The following PPM1L variants were observed in gnomAD, a reference collection of about 807,000 sequenced individuals.
The protein encoded by PPM1L is protein phosphatase 1L.
In PPM1L, 13 loss-of-function variants were observed where a neutral mutation model predicts 31.4. The observed-to-expected ratio is 0.41, with a 90% confidence interval of 0.27 to 0.66. The LOEUF (loss-of-function observed/expected upper bound fraction) is 0.66. Ranked by LOEUF, PPM1L falls within the 30% of genes least tolerant of loss-of-function variation. The probability of loss-of-function intolerance (pLI) is 0.29; values close to 1 mark genes in which losing one functional copy is unlikely to be tolerated. For missense variants in PPM1L, 326 were observed against 453.7 expected (o/e 0.72, Z 2.56); for synonymous variants, 184 against 175.4 (o/e 1.05, Z -0.39).
intron 1 of PPM1L, among the ~76,000 whole-genome samples, chr3:160,842,467 G>A (rs1450495421): frequency 6.6e-6 from 1 of 152,154 alleles, no homozygotes; most frequent in Non-Finnish European, 1.5e-5. Flanking sequence ...TCTTAGCCAG[G>A]AATAAGAAGA....
chr3:161,064,810 T>A (rs974092673), intron 2 of PPM1L, among the ~76,000 whole-genome samples: 5 of 152,086 alleles, frequency 3.3e-5, no homozygotes, highest in African/African-American at 4.8e-5. Context: ...ACACCAGAGC[T>A]TTCTCTGCTT....
At chr3:160,945,709 C>T (rs759575724) in intron 1 of PPM1L, among the ~76,000 whole-genome samples, 28 of 152,066 alleles carry the variant, frequency 1.8e-4, no homozygotes, top group Non-Finnish European at 3.5e-4. Flanking sequence ...CACAGGTCCA[C>T]GTACACACAG....
intron 1 of PPM1L, among the ~76,000 whole-genome samples, chr3:160,874,372 C>A (rs567269804): frequency 3.3e-5 from 5 of 152,282 alleles, no homozygotes; most frequent in African/African-American, 1.2e-4. Flanking sequence ...CTCCCTTCAG[C>A]CTCCCTTGAT....
At chr3:160,781,492 A>G (rs1057331615) in intron 1 of PPM1L, among the ~76,000 whole-genome samples, 3 of 152,184 alleles carry the variant, frequency 2.0e-5, no homozygotes, top group African/African-American at 4.8e-5. Context: ...ATTAAAAGAA[A>G]AGGAAAATGG....
chr3:161,065,066 G>A (rs747805998), intron 2 of PPM1L, among the ~76,000 whole-genome samples: 5 of 151,960 alleles, frequency 3.3e-5, no homozygotes, highest in Non-Finnish European at 7.4e-5. Context: ...GAAGCCAAAA[G>A]TGTGTATCAG....
chr3:160,844,320 C>T (rs748818749), intron 1 of PPM1L, among the ~76,000 whole-genome samples: 1 of 152,136 alleles, frequency 6.6e-6, no homozygotes, highest in East Asian at 1.9e-4. Context: ...CGCTGAGATA[C>T]AGAAGAGAAG....
At chr3:160,916,108 C>T (rs1354099546) in intron 1 of PPM1L, among the ~76,000 whole-genome samples, 1 of 152,144 alleles carries the variant, frequency 6.6e-6, no homozygotes, top group African/African-American at 2.4e-5. Context: ...AAACTACCAT[C>T]GGAGTGAACA....
At chr3:160,820,814 C>A (rs1293541123) in intron 1 of PPM1L, among the ~76,000 whole-genome samples, 1 of 151,956 alleles carries the variant, frequency 6.6e-6, no homozygotes, top group Non-Finnish European at 1.5e-5. Context: ...AATGTTTTGG[C>A]AATATGTTGT....
At chr3:160,765,111 T>G (rs562615917) in intron 1 of PPM1L, among the ~76,000 whole-genome samples, 2 of 152,328 alleles carry the variant, frequency 1.3e-5, no homozygotes. Context: ...TTATCTAATT[T>G]TAATTCTGAT....
intron 1 of PPM1L, among the ~76,000 whole-genome samples, chr3:160,861,284 T>G (rs894632950): frequency 3.3e-5 from 5 of 152,174 alleles, no homozygotes; most frequent in African/African-American, 1.2e-4. Context: ...CAGAATATAG[T>G]GTAATGTCCT....
At chr3:160,839,790 T>C (rs1037133917) in intron 1 of PPM1L, among the ~76,000 whole-genome samples, 1 of 152,230 alleles carries the variant, frequency 6.6e-6, no homozygotes, top group South Asian at 2.1e-4. Flanking sequence ...CACTCAGTTT[T>C]GAACTTGGGC....
intron 1 of PPM1L, among the ~76,000 whole-genome samples, chr3:160,961,495 C>A (rs1249076262): frequency 2.0e-5 from 3 of 152,064 alleles, no homozygotes; most frequent in Admixed American, 1.3e-4. Context: ...AATATCTAAC[C>A]AAGTCTATCA....
chr3:160,780,177 C>T (rs767408846), intron 1 of PPM1L, among the ~76,000 whole-genome samples: 18 of 152,098 alleles, frequency 1.2e-4, no homozygotes, highest in Non-Finnish European at 2.5e-4. Context: ...CACATGCCAC[C>T]ATGCCTGGCT....
chr3:160,791,451 T>C (rs1366461377), intron 1 of PPM1L, among the ~76,000 whole-genome samples: 1 of 152,178 alleles, frequency 6.6e-6, no homozygotes, highest in Non-Finnish European at 1.5e-5. Context: ...TATTTCTCTT[T>C]CTCTTAATAG....
intron 1 of PPM1L, among the ~76,000 whole-genome samples, chr3:160,941,584 C>T (rs1715164416): frequency 6.6e-6 from 1 of 152,068 alleles, no homozygotes; most frequent in Non-Finnish European, 1.5e-5. Flanking sequence ...CTTGCCACTG[C>T]CATGTAAGAA....
intron 2 of PPM1L, among the ~76,000 whole-genome samples, chr3:161,044,002 A>G (rs1051160346): frequency 1.3e-5 from 2 of 152,200 alleles, no homozygotes; most frequent in Non-Finnish European, 2.9e-5. Context: ...TGTATGCTGT[A>G]CCAGAAAGAT....
At chr3:160,992,338 T>C (rs1393949488) in intron 2 of PPM1L, among the ~76,000 whole-genome samples, 2 of 152,168 alleles carry the variant, frequency 1.3e-5, no homozygotes, top group African/African-American at 4.8e-5. Context: ...TTAGATGTGG[T>C]AAAACAGAGG....
At chr3:160,840,812 A>G (rs1029611619) in intron 1 of PPM1L, among the ~76,000 whole-genome samples, 3 of 151,236 alleles carry the variant, frequency 2.0e-5, no homozygotes, top group African/African-American at 7.3e-5. Flanking sequence ...AAAGAGAGAG[A>G]AGGAGAGAGA....
At chr3:160,779,898 T>G (rs995591662) in intron 1 of PPM1L, among the ~76,000 whole-genome samples, 4 of 152,132 alleles carry the variant, frequency 2.6e-5, no homozygotes, top group African/African-American at 9.7e-5. Flanking sequence ...AGTTTCTTCA[T>G]CTGAAAAAAT....
Sources: gnomAD v4.1 joint callset for allele counts (sites outside exome capture counted in the v4.1 genomes callset) on GRCh38, gnomAD v4.1.1 for gene constraint, MANE v1.5 for transcripts, NCBI Gene and HGNC (gene_info 2026-07-23, HGNC 2026-07-21) for gene names.